Variants in NRG3 observed in about 807,000 individuals in gnomAD.
NRG3 encodes the protein pro-neuregulin-3, membrane-bound isoform.
NRG3 carries 31 observed loss-of-function variants against 66.9 expected under a neutral mutation model. The observed-to-expected ratio is 0.46, with a 90% CI of 0.35 to 0.63. NRG3 has a LOEUF of 0.63. NRG3 is among the 20% of genes least tolerant of loss of function. The probability of loss-of-function intolerance (pLI) is 0.00; values close to 1 mark genes in which losing one functional copy is unlikely to be tolerated. For synonymous variants in NRG3, 393 were observed against 359.4 expected (o/e 1.09, Z -1.06); for missense variants, 910 against 878.9 (o/e 1.04, Z -0.45).
Position 81,881,841 on chromosome 10 carries a change from CT to C in NRG3, c.823+5687del, listed in dbSNP as rs539092627. Among the ~76,000 whole-genome samples, 690 of 150,766 alleles carry C rather than the reference CT, an allele frequency of 4.6e-3. 9 individuals are homozygous for C. Among genetic ancestry groups the C allele is most frequent in the African/African-American group, 0.014 (574 of 41,162 alleles). ...AATTAGCCACACCTGTAACTATCAGCTTTTTTTTTCTTTTAAAAGACACTAG... is the reference window on the plus strand; with the variant it reads ...AATTAGCCACACCTGTAACTATCAGCTTTTTTTTCTTTTAAAAGACACTAG... On this transcript the variant is annotated intron_variant, in intron 1 of 8. Transcript: ENST00000372141.
intron 1 of NRG3, among the ~76,000 whole-genome samples, chr10:81,943,198 A>G (rs1410209983): frequency 6.6e-6 from 1 of 151,976 alleles, no homozygotes; most frequent in Non-Finnish European, 1.5e-5. Context: ...CCTGGACAAC[A>G]TAGAAAGACC....
At chr10:82,384,601 A>G (rs1311167252) in intron 2 of NRG3, among the ~76,000 whole-genome samples, 1 of 152,216 alleles carries the variant, frequency 6.6e-6, no homozygotes, top group African/African-American at 2.4e-5. Flanking sequence ...CCTGCAGAGA[A>G]AATGATCTCA....
chr10:82,035,227 A>G (rs2062745066), intron 1 of NRG3, among the ~76,000 whole-genome samples: 1 of 152,108 alleles, frequency 6.6e-6, no homozygotes, highest in Non-Finnish European at 1.5e-5. Context: ...CATCACCAAA[A>G]TGCTGCTGGA....
intron 1 of NRG3, among the ~76,000 whole-genome samples, chr10:81,965,651 T>G (rs901590448): frequency 6.6e-6 from 1 of 152,172 alleles, no homozygotes; most frequent in African/African-American, 2.4e-5. Context: ...TCCTCAGATA[T>G]TTTACAATTT....
intron 2 of NRG3, among the ~76,000 whole-genome samples, chr10:82,621,199 C>T (rs1003337914): frequency 5.3e-5 from 8 of 152,114 alleles, no homozygotes; most frequent in Non-Finnish European, 2.9e-5. Context: ...CAAGGTTTTC[C>T]TATTGTGCTA....
At chr10:82,466,866 AG>A (rs1464466961) in intron 2 of NRG3, among the ~76,000 whole-genome samples, 1 of 149,148 alleles carries the variant, frequency 6.7e-6, no homozygotes, top group Non-Finnish European at 1.5e-5. Context: ...GGGAAGGGGA[AG>A]GGGTATTATG....
At chr10:82,867,161 C>G (rs1031944523) in intron 4 of NRG3, among the ~76,000 whole-genome samples, 1 of 152,056 alleles carries the variant, frequency 6.6e-6, no homozygotes, top group African/African-American at 2.4e-5. Flanking sequence ...TTTTTCTTGT[C>G]CAAGGTAGAT....
At chr10:82,376,396 G>A (rs1163707066) in intron 2 of NRG3, among the ~76,000 whole-genome samples, 7 of 152,138 alleles carry the variant, frequency 4.6e-5, no homozygotes, top group African/African-American at 1.4e-4. Context: ...CCTCCACTGG[G>A]GCTTCCCAGG....
In NRG3 at chr10:82,729,531, C is replaced by T. The variant is rs148899632; in HGVS notation, c.954-9046C>T. Among the ~76,000 whole-genome samples, 774 of 152,220 alleles carry T rather than the reference C, an allele frequency of 5.1e-3. 4 individuals are homozygous for T. The highest frequency in any genetic ancestry group is 8.4e-3 in the Non-Finnish European group (573 of 68,024). ...CACATAGCTGCTCTGGAGAACATCG[C>T]TATGCACCCTGAAGTGTACAGGGTG... On this transcript the variant is annotated intron_variant, in intron 2 of 8. Transcript: ENST00000372141.
In NRG3 at chr10:82,086,892, G is replaced by A. The variant is rs527763395; in HGVS notation, c.823+210729G>A. ...CGTCTATCTCAAATGCTGTATCAATGTTGACTCTGACAATAGTAAGGGAAG... is the reference window on the plus strand; with the variant it reads ...CGTCTATCTCAAATGCTGTATCAATATTGACTCTGACAATAGTAAGGGAAG... On this transcript the variant is annotated intron_variant, in intron 1 of 8. Transcript: ENST00000372141. 3.9e-4 allele frequency among the ~76,000 whole-genome samples: 59 copies of A among 152,222 alleles called. No individual in the cohort carries two copies. In the South Asian group the frequency reaches 0.012, roughly 30 times the overall value.
At chr10:81,952,429 G>A (rs1022242636) in intron 1 of NRG3, among the ~76,000 whole-genome samples, 5 of 151,922 alleles carry the variant, frequency 3.3e-5, no homozygotes, top group African/African-American at 1.2e-4. Context: ...AGAGAAAGAA[G>A]GCGGCAGGGG....
chr10:82,467,723 C>T (rs1840826200), intron 2 of NRG3, among the ~76,000 whole-genome samples: 1 of 152,174 alleles, frequency 6.6e-6, no homozygotes, highest in Non-Finnish European at 1.5e-5. Context: ...TTCATGCTAC[C>T]AAACAGCTCT....
At chr10:82,745,161 A>G (rs2058592173) in intron 3 of NRG3, among the ~76,000 whole-genome samples, 1 of 152,164 alleles carries the variant, frequency 6.6e-6, no homozygotes, top group Admixed American at 6.5e-5. Context: ...TTAGGAAAGG[A>G]TTTCTCTAGG....
At chr10:82,153,825 T>G (rs1246686697) in intron 1 of NRG3, among the ~76,000 whole-genome samples, 1 of 151,930 alleles carries the variant, frequency 6.6e-6, no homozygotes, top group African/African-American at 2.4e-5. Flanking sequence ...GATGGTGAAC[T>G]TTTTTTTCAT....
chr10:81,950,438 A>C (rs1167047275), intron 1 of NRG3, among the ~76,000 whole-genome samples: 2 of 152,168 alleles, frequency 1.3e-5, no homozygotes, highest in Non-Finnish European at 2.9e-5. Context: ...AGGTCAAGAA[A>C]ATCACTTCAG....
chr10:82,961,327 G>A (rs1564669306), intron 6 of NRG3, among the ~76,000 whole-genome samples: 2 of 152,090 alleles, frequency 1.3e-5, no homozygotes, highest in African/African-American at 4.8e-5. Flanking sequence ...AACCCAAAAT[G>A]TGGTTTAAAT....
chr10:81,934,494 C>T (rs1310969862), intron 1 of NRG3, among the ~76,000 whole-genome samples: 1 of 152,114 alleles, frequency 6.6e-6, no homozygotes, highest in Non-Finnish European at 1.5e-5. Flanking sequence ...ATGGAAATGT[C>T]TCTCCTTCTC....
chr10:82,223,337 CA>C (rs979508844), intron 1 of NRG3, among the ~76,000 whole-genome samples: 31 of 151,910 alleles, frequency 2.0e-4, no homozygotes, highest in Non-Finnish European at 3.8e-4. Flanking sequence ...CTTAATTTCT[CA>C]AAAAAACATA....
At chr10:82,674,935 T>TTG in intron 2 of NRG3, among the ~76,000 whole-genome samples, 1 of 123,268 alleles carries the variant, frequency 8.1e-6, no homozygotes, top group East Asian at 2.1e-4. Context: ...GGGGTTTTAT[T>TTG]TATATTTATT....
Sources: allele counts gnomAD v4.1 joint callset (sites outside exome capture counted in the v4.1 genomes callset), GRCh38; gene constraint gnomAD v4.1.1; transcripts MANE v1.5; gene names NCBI Gene and HGNC (gene_info 2026-07-23, HGNC 2026-07-21).